The following FAM20A variants were observed in gnomAD, a reference collection of about 807,000 sequenced individuals.
FAM20A encodes the protein pseudokinase FAM20A.
A neutral mutation model predicts 52.0 loss-of-function variants in FAM20A; 42 were observed. The ratio of observed to expected loss-of-function variants is 0.81; its 90% CI spans 0.63 to 1.04. FAM20A has a LOEUF of 1.04. Ranked by LOEUF, FAM20A falls within the 50% of genes least tolerant of loss-of-function variation. The pLI is 0.00. For synonymous variants in FAM20A, 304 were observed against 298.9 expected (o/e 1.02, Z -0.18); for missense variants, 742 against 712.7 (o/e 1.04, Z -0.47).
intron 1 of FAM20A, among the ~76,000 whole-genome samples, chr17:68,565,256 G>T (rs35024060): frequency 6.6e-6 from 1 of 151,750 alleles, no homozygotes; most frequent in Non-Finnish European, 1.5e-5. Context: ...ACCCCCATTT[G>T]TTCCCCTCCA....
intron 1 of FAM20A, among the ~76,000 whole-genome samples, chr17:68,559,007 CTTGA>C (rs1217603739): frequency 3.3e-5 from 5 of 152,344 alleles, no homozygotes; most frequent in Non-Finnish European, 5.9e-5. Flanking sequence ...ATCCGCCCGC[CTTGA>C]CCACCCAAAG....
At position 68,539,402 on chromosome 17, in the gene FAM20A, A is replaced by C; in HGVS notation, c.1302-6T>G. On this transcript the variant is annotated splice_polypyrimidine_tract_variant and splice_region_variant and intron_variant, in intron 9 of 10. Coordinates refer to ENST00000592554, the MANE Select transcript of FAM20A (RefSeq NM_017565.4). ...CATGGGAGTGTCGTCCGAACCTAGG[A>C]GGAGAAACAGGCTTTTATGGGTGGC... is the stretch of plus-strand genomic sequence containing the variant. 1 of 1,614,092 alleles carries C rather than the reference A, an allele frequency of 6.2e-7. No individual in the cohort carries two copies. Among genetic ancestry groups the C allele is most frequent in the Non-Finnish European group, 8.5e-7 (1 of 1,179,950 alleles).
chr17:68,588,968 T>C (rs1299598767), intron 1 of FAM20A, among the ~76,000 whole-genome samples: 1 of 152,266 alleles, frequency 6.6e-6, no homozygotes, highest in African/African-American at 2.4e-5. Context: ...GAGCTTTTGC[T>C]CAGTAGAAGA....
intron 10 of FAM20A, among the ~76,000 whole-genome samples, chr17:68,538,417 G>A (rs1050969606): frequency 6.6e-6 from 1 of 152,206 alleles, no homozygotes; most frequent in African/African-American, 2.4e-5. Flanking sequence ...GCTCTACTCC[G>A]AGTTTTCCAG....
chr17:68,540,827 G>A, intron 8 of FAM20A, 22 bp downstream of exon 8: 2 of 1,578,082 alleles, frequency 1.3e-6, no homozygotes, highest in Non-Finnish European at 1.7e-6. Context: ...CTTCTGCTGG[G>A]GGCCTGCGTG....
chr17:68,568,482 A>G (rs2087444748), intron 1 of FAM20A, among the ~76,000 whole-genome samples: 1 of 151,292 alleles, frequency 6.6e-6, no homozygotes, highest in Non-Finnish European at 1.5e-5. Flanking sequence ...ATAAATAAAT[A>G]AATAAATAAA....
intron 1 of FAM20A, among the ~76,000 whole-genome samples, chr17:68,571,149 G>A (rs986068452): frequency 3.3e-5 from 5 of 152,226 alleles, no homozygotes; most frequent in Middle Eastern, 6.8e-3. Flanking sequence ...AAATCTCTTC[G>A]TTGGAAACTG....
At chr17:68,538,076 G>A (rs1279993550) in intron 10 of FAM20A, among the ~76,000 whole-genome samples, 2 of 152,200 alleles carry the variant, frequency 1.3e-5, no homozygotes, top group East Asian at 3.8e-4. Context: ...GAGATTTAAA[G>A]CTAATGGGAG....
At chr17:68,594,852 C>A (rs778944790) in intron 1 of FAM20A, among the ~76,000 whole-genome samples, 16 of 152,228 alleles carry the variant, frequency 1.1e-4, no homozygotes, top group Non-Finnish European at 2.1e-4. Flanking sequence ...TGCTTTAAAT[C>A]ATTCATGGAT....
Position 68,537,043 on chromosome 17 carries a change from T to G in FAM20A, c.*434A>C. The G allele has an allele frequency of 2.2e-6, 1 of 456,318 alleles. No homozygotes were observed. The highest frequency in any genetic ancestry group is 4.4e-6 in the Non-Finnish European group (1 of 228,380). The allele number at this position is 456,318 out of a possible 1,614,324, so 28.3% of individuals were successfully genotyped here. ...CCAAAGTGCAGATTTTTAGTCAGCT[T>G]GTGATAGGCCAGGTGTTTTGTCTGG... On this transcript the variant is annotated 3_prime_UTR_variant, in exon 11 of 11. Coordinates refer to ENST00000592554, the MANE Select transcript of FAM20A (RefSeq NM_017565.4). The surrounding 1 kb of genome is among the most constrained non-coding windows in gnomAD (Gnocchi z 4.2).
chr17:68,567,505 C>G (rs1401895404), intron 1 of FAM20A, among the ~76,000 whole-genome samples: 1 of 151,904 alleles, frequency 6.6e-6, no homozygotes, highest in Non-Finnish European at 1.5e-5. Context: ...TGGCCCTGGG[C>G]TTTGGGTTTA....
At chr17:68,590,608 TA>T (rs1230317402) in intron 1 of FAM20A, among the ~76,000 whole-genome samples, 1 of 152,240 alleles carries the variant, frequency 6.6e-6, no homozygotes, top group Non-Finnish European at 1.5e-5. Flanking sequence ...ATAGTTGGTA[TA>T]AAAAGTCTGC....
Position 68,600,048 on chromosome 17 carries a change from T to G in FAM20A, c.404+215A>C, listed in dbSNP as rs556679992. Among the ~76,000 whole-genome samples the G allele has an allele frequency of 6.6e-6, 1 of 152,182 alleles. No homozygotes were observed. Among genetic ancestry groups the G allele is most frequent in the Non-Finnish European group, 1.5e-5 (1 of 68,010 alleles). On this transcript the variant is annotated intron_variant, in intron 1 of 10. Coordinates refer to ENST00000592554, the MANE Select transcript of FAM20A (RefSeq NM_017565.4). The surrounding 1 kb of genome is among the most constrained non-coding windows in gnomAD (Gnocchi z 6.2). ...GCTGTGCGGCTGCAATAGAAACTTTTTCCTCGTACTATCTGACTCCGGGAC... is the reference window on the plus strand; with the variant it reads ...GCTGTGCGGCTGCAATAGAAACTTTGTCCTCGTACTATCTGACTCCGGGAC...
chr17:68,549,024 G>A (rs551904107), intron 4 of FAM20A, among the ~76,000 whole-genome samples: 1 of 152,230 alleles, frequency 6.6e-6, no homozygotes. Context: ...GAGCCACCGT[G>A]CCCAGCCTGC....
intron 4 of FAM20A, 75 bp from the exon 5 acceptor site, chr17:68,543,796 A>G (rs1179412911): frequency 7.7e-7 from 1 of 1,297,856 alleles, no homozygotes; most frequent in Non-Finnish European, 1.1e-6. Flanking sequence ...GATGAGCATG[A>G]CCAGCGAGAA....
chr17:68,543,559 T>C, intron 5 of FAM20A, 70 bp downstream of exon 5: 1 of 1,355,692 alleles, frequency 7.4e-7, no homozygotes, highest in Non-Finnish European at 1.1e-6. Flanking sequence ...ACCTTGAGGG[T>C]CTGTCTAGCC....
At chr17:68,541,917 CAAGT>C (rs1793738919) in intron 7 of FAM20A, 64 bp downstream of exon 7, 1 of 1,529,518 alleles carries the variant, frequency 6.5e-7, no homozygotes, top group Non-Finnish European at 8.8e-7. Context: ...AAGCTAGCAA[CAAGT>C]CCCTGGTACA....
At chr17:68,583,699 G>A (rs1230518240) in intron 1 of FAM20A, among the ~76,000 whole-genome samples, 1 of 151,916 alleles carries the variant, frequency 6.6e-6, no homozygotes, top group African/African-American at 2.4e-5. Context: ...GGCAGATCAT[G>A]AGGTCAGGAG....
In FAM20A at chr17:68,588,079, C is replaced by T. The variant is rs79033641; in HGVS notation, c.404+12184G>A. 2.2e-4 allele frequency among the ~76,000 whole-genome samples: 33 copies of T among 150,672 alleles called. No homozygotes were observed. The East Asian group carries it at 6.0e-3, about 28-fold the overall frequency. On this transcript the variant is annotated intron_variant, in intron 1 of 10. Transcript: ENST00000592554. The stretch of plus-strand genomic sequence containing the variant: ...AGCCTTGGTAGGAGTAGAACAATTA[C>T]AGGAGGAATGCCAAGAGAGACAAAG...
Sources: gnomAD v4.1 joint callset for allele counts (sites outside exome capture counted in the v4.1 genomes callset) on GRCh38, gnomAD v4.1.1 for gene constraint, Gnocchi (gnomAD v3.1) non-coding constraint, MANE v1.5 for transcripts, NCBI Gene and HGNC (gene_info 2026-07-23, HGNC 2026-07-21) for gene names.